Variants in AGTPBP1 observed in about 807,000 individuals in gnomAD.
The protein encoded by AGTPBP1 is cytosolic carboxypeptidase 1.
In AGTPBP1, 70 loss-of-function variants were observed where a neutral mutation model predicts 143.9. The observed-to-expected ratio is 0.49, with a 90% confidence interval of 0.40 to 0.59. The LOEUF is 0.59. AGTPBP1 is among the 20% of genes least tolerant of loss of function. AGTPBP1 has a pLI of 0.00. For synonymous variants in AGTPBP1, 463 were observed against 500.2 expected (o/e 0.93, Z 0.99); for missense variants, 1,229 against 1,464.5 (o/e 0.84, Z 2.62).
intron 17 of AGTPBP1, among the ~76,000 whole-genome samples, chr9:85,606,378 A>G (rs1185738602): frequency 6.8e-6 from 1 of 147,814 alleles, no homozygotes; most frequent in African/African-American, 2.5e-5. Context: ...TTAAAATGGC[A>G]ATTATTAAAA....
At chr9:85,750,766 T>C in the AGTPBP1 span, among the ~76,000 whole-genome samples, 9 of 152,342 alleles carry the variant, frequency 5.9e-5, no homozygotes, top group East Asian at 1.2e-3. Context: ...TGGTATAACT[T>C]GCAGTTTGAT....
intron 17 of AGTPBP1, 145 bp from the exon 18 acceptor site, chr9:85,596,594 G>T: frequency 1.8e-6 from 1 of 555,456 alleles, no homozygotes; most frequent in South Asian, 2.7e-5. Flanking sequence ...TTAAAAATCT[G>T]ATGCATTTCT....
At chr9:85,568,736 G>A (rs113795934) in intron 25 of AGTPBP1, among the ~76,000 whole-genome samples, 2,279 of 152,278 alleles carry the variant, frequency 0.015, 21 homozygotes, top group Admixed American at 0.023. Flanking sequence ...TGAAAGCTCT[G>A]AGAAATATCT....
Position 85,578,988 on chromosome 9 carries a change from C to T in AGTPBP1, c.3274G>A (p.Glu1092Lys). The part of the protein sequence containing the change: ...ESTARVVVWR[E>K]IGVQRSYTME... ...GTATAACTTCTTTGTACTCCTATTT[C>T]CCTCCAAACTACAACACGTGCTGTG... Residue 1092 changes from glutamate (E) to lysine (K), a missense_variant, in exon 24 of 26, where the codon GAA becomes AAA. Coordinates refer to ENST00000357081, the MANE Select transcript of AGTPBP1 (RefSeq NM_001330701.2). 1 of 1,613,244 alleles carries T rather than the reference C, an allele frequency of 6.2e-7. No homozygotes were observed. The highest frequency in any genetic ancestry group is 8.5e-7 in the Non-Finnish European group (1 of 1,179,698).
the AGTPBP1 span, among the ~76,000 whole-genome samples, chr9:85,782,065 G>T: frequency 4.6e-5 from 7 of 152,074 alleles, no homozygotes; most frequent in African/African-American, 1.7e-4. Flanking sequence ...GATAATTTAG[G>T]TATGGTTTAT....
At chr9:85,799,986 A>T in the AGTPBP1 span, among the ~76,000 whole-genome samples, 62 of 152,332 alleles carry the variant, frequency 4.1e-4, no homozygotes, top group Admixed American at 9.8e-4. Context: ...CTCTTGGAGC[A>T]GCTGGTTTTC....
intron 2 of AGTPBP1, among the ~76,000 whole-genome samples, chr9:85,706,101 A>C (rs1321367561): frequency 1.3e-5 from 2 of 152,134 alleles, no homozygotes; most frequent in South Asian, 2.1e-4. Context: ...AGCAAAATGG[A>C]GTTCTAGCTA....
rs1272391693 is a variant in AGTPBP1, at chr9:85,695,405, AGCAAATGT to A, written c.33-2600_33-2593del. Among the ~76,000 whole-genome samples, 3 of 152,228 alleles carry A rather than the reference AGCAAATGT, an allele frequency of 2.0e-5. No homozygotes were observed. The East Asian group carries it at 5.8e-4, about 29-fold the overall frequency. On this transcript the variant is annotated intron_variant, in intron 2 of 25. Transcript: ENST00000357081. The stretch of plus-strand genomic sequence containing the variant: ...TGCTAAGGGTACCTAAGACCCTTTC[AGCAAATGT>A]GCAAGGCCAAAGACAATTTTCATAA...
the AGTPBP1 span, chr9:85,786,308 C>A: frequency 6.2e-7 from 1 of 1,602,476 alleles, no homozygotes; most frequent in Non-Finnish European, 8.5e-7. Flanking sequence ...TCTTTAGCAC[C>A]CCCCAGTGGG....
At chr9:85,781,045 T>A in the AGTPBP1 span, among the ~76,000 whole-genome samples, 2 of 152,214 alleles carry the variant, frequency 1.3e-5, no homozygotes, top group Non-Finnish European at 2.9e-5. Flanking sequence ...TGAACCTGGG[T>A]GGCGGAGCTT....
At chr9:85,724,485 C>T (rs1838343945) in intron 1 of AGTPBP1, among the ~76,000 whole-genome samples, 1 of 152,056 alleles carries the variant, frequency 6.6e-6, no homozygotes, top group Non-Finnish European at 1.5e-5. Flanking sequence ...CTTACAAATG[C>T]TCAATATATG....
Position 85,613,181 on chromosome 9 carries a change from A to T in AGTPBP1, c.2335+5802T>A, listed in dbSNP as rs79062723. ...TAAAAAATAACAAGGAGATCTTAAT[A>T]TTAAAATTTGAAAGGGAAATACAGA... On this transcript the variant is annotated intron_variant, in intron 17 of 25. Transcript: ENST00000357081. 3.8e-3 allele frequency among the ~76,000 whole-genome samples: 583 copies of T among 152,218 alleles called. 10 individuals are homozygous for T. The highest frequency in any genetic ancestry group is 0.013 in the African/African-American group (550 of 41,566).
the AGTPBP1 span, among the ~76,000 whole-genome samples, chr9:85,762,321 CAT>C: frequency 1.3e-5 from 2 of 152,110 alleles, no homozygotes; most frequent in Admixed American, 6.6e-5. Context: ...CACATGCACA[CAT>C]ATGTTTATTG....
At chr9:85,660,902 T>A (rs567738241) in intron 9 of AGTPBP1, 34 bp downstream of exon 9, 2 of 1,433,456 alleles carry the variant, frequency 1.4e-6, no homozygotes, top group Non-Finnish European at 1.9e-6. Context: ...CTCAGAAAAA[T>A]AGTATCTAGT....
the AGTPBP1 span, among the ~76,000 whole-genome samples, chr9:85,748,710 T>C: frequency 6.6e-6 from 1 of 152,216 alleles, no homozygotes. Context: ...TCAGAGTATA[T>C]CTTTAAAACA....
chr9:85,630,125 AAG>A (rs1334782015), intron 14 of AGTPBP1, among the ~76,000 whole-genome samples: 1 of 152,224 alleles, frequency 6.6e-6, no homozygotes, highest in African/African-American at 2.4e-5. Context: ...TAAAGAGCCT[AAG>A]AGATGATGCT....
chr9:85,638,744 C>G (rs1011925157), intron 13 of AGTPBP1, among the ~76,000 whole-genome samples: 3 of 151,830 alleles, frequency 2.0e-5, no homozygotes, highest in Non-Finnish European at 4.4e-5. Context: ...GAAGAAAACT[C>G]AATCTACATG....
chr9:85,703,889 G>T (rs1311888748), intron 2 of AGTPBP1, among the ~76,000 whole-genome samples: 1 of 152,190 alleles, frequency 6.6e-6, no homozygotes, highest in Admixed American at 6.5e-5. Flanking sequence ...AGAAGCAGTG[G>T]CCAATGAAGT....
At chr9:85,666,879 TACAC>T (rs1482378606) in intron 8 of AGTPBP1, among the ~76,000 whole-genome samples, 2 of 152,226 alleles carry the variant, frequency 1.3e-5, no homozygotes, top group Admixed American at 1.3e-4. Context: ...GAATCATTCA[TACAC>T]ACACTACTAC....
Sources: gnomAD v4.1 joint callset for allele counts (sites outside exome capture counted in the v4.1 genomes callset) on GRCh38, gnomAD v4.1.1 for gene constraint, MANE v1.5 for transcripts, NCBI Gene and HGNC (gene_info 2026-07-23, HGNC 2026-07-21) for gene names.